HSDL1: variants seen among roughly 807,000 people sequenced by gnomAD.
The protein encoded by HSDL1 is hydroxysteroid dehydrogenase like 1.
HSDL1 carries 29 observed loss-of-function variants against 31.5 expected under a neutral mutation model. The ratio of observed to expected loss-of-function variants is 0.92; its 90% confidence interval spans 0.69 to 1.26. The LOEUF (loss-of-function observed/expected upper bound fraction) is 1.26, where lower values mean the gene tolerates loss of function less well. Among genes scored for constraint, HSDL1 ranks in the 50% most tolerant of loss-of-function variants. The pLI is 0.00. For missense variants in HSDL1, 503 were observed against 416.6 expected, an observed-to-expected ratio of 1.21 and a Z score of -1.81; for synonymous variants, 222 against 155.2, an observed-to-expected ratio of 1.43 and a Z score of -3.20.
At position 84,124,720 on chromosome 16, in the gene HSDL1, A is replaced by G. The variant is rs2086586034; in HGVS notation, c.903T>C (p.Phe301=). Residue 301 remains phenylalanine (F), a synonymous_variant, in exon 6 of 6, where the codon TTT becomes TTC. Coordinates refer to ENST00000219439, the MANE Select transcript of HSDL1 (RefSeq NM_031463.5). ...GYWSHSIQFL[F]AQYMPEWLWV... is the part of the protein sequence containing the mutation. ...AGAGCCATTCAGGCATATACTGTGC[A>G]AAAAGAAACTAAAAATGAAAGAGAA... 1.2e-6 allele frequency: 2 copies of G among 1,611,676 alleles called. No individual in the cohort carries two copies. The highest frequency in any genetic ancestry group is 2.2e-5 in the East Asian group (1 of 44,852).
At chr16:84,135,520 G>T (rs771517926) in intron 2 of HSDL1, 24 bp downstream of exon 2, 5 of 152,198 alleles carry the variant, frequency 3.3e-5, no homozygotes, top group Non-Finnish European at 7.3e-5. Context: ...TGCTGTGGTC[G>T]TTCCCTGCCC....
intron 3 of HSDL1, among the ~76,000 whole-genome samples, chr16:84,130,710 C>T (rs1162902462): frequency 6.6e-6 from 1 of 152,210 alleles, no homozygotes; most frequent in Non-Finnish European, 1.5e-5. Flanking sequence ...AAACTACTAT[C>T]TGGCTTGAAT....
Position 84,131,119 on chromosome 16 carries a change from C to A in HSDL1, c.203G>T (p.Arg68Ile), listed in dbSNP as rs2086659781. The A allele has an allele frequency of 6.2e-7, 1 of 1,612,936 alleles. No homozygotes were observed. ...TAGGTTACCGCTGACAACGGCCCAT[C>A]TTCCATACTGCTTGATCAAGTCTGC... The part of the protein sequence containing the change: ...SRADLIKQYG[R>I]WAVVSGATDG... Residue 68 changes from arginine to isoleucine, a missense_variant, in exon 3 of 6, where the codon AGA becomes ATA. By Grantham distance (97) the Arg-to-Ile change is moderately conservative. Transcript: ENST00000219439.
At chr16:84,140,846 G>A (rs1163274968) in intron 1 of HSDL1, among the ~76,000 whole-genome samples, 2 of 151,998 alleles carry the variant, frequency 1.3e-5, no homozygotes, top group African/African-American at 4.8e-5. Context: ...GCTCACGCCT[G>A]TAATCCCAGC....
chr16:84,127,549 C>A (rs2086621202), intron 5 of HSDL1, among the ~76,000 whole-genome samples: 1 of 151,318 alleles, frequency 6.6e-6, no homozygotes, highest in Admixed American at 6.6e-5. Context: ...TCTCACTTTT[C>A]ATAAAAGTCA....
chr16:84,137,976 CT>C (rs1054673035), intron 1 of HSDL1, among the ~76,000 whole-genome samples: 1 of 152,222 alleles, frequency 6.6e-6, no homozygotes, highest in African/African-American at 2.4e-5. Context: ...GCCCCACTCC[CT>C]GATTCTTGTC....
intron 2 of HSDL1, 69 bp from the exon 3 acceptor site, chr16:84,131,396 G>A (rs2086664593): frequency 6.4e-6 from 7 of 1,087,252 alleles, no homozygotes; most frequent in African/African-American, 1.6e-5. Context: ...CAGTCTGAGT[G>A]AAGACATCCA....
intron 1 of HSDL1, among the ~76,000 whole-genome samples, chr16:84,143,529 G>C (rs1192332874): frequency 6.6e-6 from 1 of 152,114 alleles, no homozygotes; most frequent in Non-Finnish European, 1.5e-5. Flanking sequence ...ACTGGTGATG[G>C]TTGCATAGCA....
In HSDL1 at chr16:84,130,347, T is replaced by G. The variant is rs780011301; in HGVS notation, c.305A>C (p.Glu102Ala). 5.0e-6 allele frequency: 8 copies of G among 1,614,220 alleles called. No individual in the cohort carries two copies. The highest frequency in any genetic ancestry group is 5.9e-6 in the Non-Finnish European group (7 of 1,180,048). ...GTCTTTAGCAACAACCTGCAACTTC[T>G]CCTCGTTCCGACTAATCAGGATTAT... ...LNIILISRNEEKLQVVAKDIA... is the reference protein window; with the variant it reads ...LNIILISRNEAKLQVVAKDIA... The change falls in exon 4 of 6, where the codon GAG becomes GCG. Residue 102 changes from glutamate to alanine, a missense_variant. Glu to Ala is a moderately radical substitution (Grantham distance 107, BLOSUM62 -1). Coordinates refer to ENST00000219439, the MANE Select transcript of HSDL1 (RefSeq NM_031463.5).
chr16:84,144,647 C>A (rs1354495588), intron 1 of HSDL1, among the ~76,000 whole-genome samples: 4 of 151,986 alleles, frequency 2.6e-5, no homozygotes, highest in Admixed American at 6.6e-5. Context: ...ACAAAGGAGG[C>A]GATTGCTGGG....
rs34954052 is a variant in HSDL1, at chr16:84,142,430, CT to C, written c.-69+2649del. Among the ~76,000 whole-genome samples the C allele has an allele frequency of 8.1e-3, 660 of 81,360 alleles. 1 individual carries two copies. Among genetic ancestry groups the C allele is most frequent in the African/African-American group, 0.033 (607 of 18,192 alleles). 53.4% of individuals were successfully genotyped at this position (81,360 alleles called of 152,430 possible). A position where few individuals can be genotyped will look rare whatever the true frequency, so the allele number is the denominator to read the frequency against. ...GGTGTGAGGCTGGGATCTCACACATCTTTTTTTTTTTTTTTTTTTTTTTGAG... is the reference window on the plus strand; with the variant it reads ...GGTGTGAGGCTGGGATCTCACACATCTTTTTTTTTTTTTTTTTTTTTTGAG... On this transcript the variant is annotated intron_variant, in intron 1 of 5. Transcript: ENST00000219439.
intron 5 of HSDL1, among the ~76,000 whole-genome samples, chr16:84,128,620 C>T (rs1302338870): frequency 6.6e-6 from 1 of 151,884 alleles, no homozygotes; most frequent in Admixed American, 6.6e-5. Context: ...AGAGGTAACC[C>T]TCAAGCAGTA....
intron 1 of HSDL1, among the ~76,000 whole-genome samples, chr16:84,140,167 A>G (rs2151191985): frequency 6.6e-6 from 1 of 152,244 alleles, no homozygotes; most frequent in Non-Finnish European, 1.5e-5. Context: ...TTCTATTTAA[A>G]CACTCAACTT....
chr16:84,142,236 T>C (rs2086775337), intron 1 of HSDL1, among the ~76,000 whole-genome samples: 1 of 152,204 alleles, frequency 6.6e-6, no homozygotes, highest in South Asian at 2.1e-4. Flanking sequence ...CTGAATGTCT[T>C]AATTTTGAAA....
rs533645313 is a variant in HSDL1 at position 84,142,497 on chromosome 16, G to A, written c.-69+2583C>T. Among the ~76,000 whole-genome samples the A allele has an allele frequency of 1.7e-3, 220 of 133,192 alleles. 3 individuals carry two copies. Among genetic ancestry groups the A allele is most frequent in the African/African-American group, 5.5e-3 (197 of 36,060 alleles). The allele number at this position is 133,192 out of a possible 152,430, so 87.4% of individuals were successfully genotyped here. A position where few individuals can be genotyped will look rare whatever the true frequency, so the allele number is the denominator to read the frequency against. Reference sequence around the variant, plus strand: ...GTCACCCAGGCTGGAGTGCAATGGCGCGATCTTAGCTCACTGCAACCTCCT... The same window carrying A: ...GTCACCCAGGCTGGAGTGCAATGGCACGATCTTAGCTCACTGCAACCTCCT... On this transcript the variant is annotated intron_variant, in intron 1 of 5. Coordinates refer to ENST00000219439, the MANE Select transcript of HSDL1 (RefSeq NM_031463.5).
chr16:84,131,030 T>C (rs1374648395), intron 3 of HSDL1, 72 bp downstream of exon 3: 1 of 1,225,282 alleles, frequency 8.2e-7, no homozygotes, highest in African/African-American at 1.5e-5. Context: ...AACACCACAT[T>C]AAATTCAATA....
chr16:84,135,164 C>T (rs1354492240), intron 2 of HSDL1, among the ~76,000 whole-genome samples: 2 of 150,896 alleles, frequency 1.3e-5, no homozygotes, highest in Non-Finnish European at 2.9e-5. Flanking sequence ...ACCGGGGAGG[C>T]AGAGCTTGCA....
intron 2 of HSDL1, among the ~76,000 whole-genome samples, chr16:84,134,729 T>G (rs1313491359): frequency 1.3e-5 from 2 of 152,138 alleles, no homozygotes; most frequent in East Asian, 3.8e-4. Flanking sequence ...TCATAACTAA[T>G]CAAACACAAG....
intron 5 of HSDL1, among the ~76,000 whole-genome samples, chr16:84,126,215 G>A (rs1018916477): frequency 6.6e-6 from 1 of 152,052 alleles, no homozygotes; most frequent in African/African-American, 2.4e-5. Flanking sequence ...GGGGTAGTAT[G>A]GAACAAAGTT....
Sources: allele counts gnomAD v4.1 joint callset (sites outside exome capture counted in the v4.1 genomes callset), GRCh38; gene constraint gnomAD v4.1.1; transcripts MANE v1.5; gene names NCBI Gene and HGNC (gene_info 2026-07-23, HGNC 2026-07-21).